The following IL6R variants were observed in gnomAD, a reference collection of about 807,000 sequenced individuals.
The protein encoded by IL6R is interleukin 6 receptor, also known as interleukin-6 receptor subunit alpha.
In IL6R, 38 loss-of-function variants were observed where a neutral mutation model predicts 48.3. The observed-to-expected ratio is 0.79, with a 90% CI of 0.61 to 1.03. IL6R has a LOEUF of 1.03. Among genes scored for constraint, IL6R ranks in the 50% least tolerant of loss-of-function variants. The pLI is 0.00. For missense variants in IL6R, 534 were observed against 618.3 expected, an observed-to-expected ratio of 0.86 and a Z score of 1.45; for synonymous variants, 264 against 256.2, an observed-to-expected ratio of 1.03 and a Z score of -0.29.
intron 1 of IL6R, among the ~76,000 whole-genome samples, chr1:154,409,817 T>C (rs1354285790): frequency 6.6e-6 from 1 of 152,180 alleles, no homozygotes; most frequent in Non-Finnish European, 1.5e-5. Flanking sequence ...TGCTAGCGAC[T>C]AGTGCTAAGG....
chr1:154,457,949 CT>C (rs1690984007), intron 9 of IL6R, among the ~76,000 whole-genome samples: 1 of 91,918 alleles, frequency 1.1e-5, no homozygotes. Flanking sequence ...CACTTTTTTT[CT>C]TTTTCTTTTT....
intron 1 of IL6R, among the ~76,000 whole-genome samples, chr1:154,428,350 A>C (rs1158239323): frequency 6.6e-6 from 1 of 152,180 alleles, no homozygotes; most frequent in Non-Finnish European, 1.5e-5. Context: ...AGCATGGAAC[A>C]GGGAACCAGA....
At chr1:154,441,155 C>T (rs1689911741) in intron 6 of IL6R, among the ~76,000 whole-genome samples, 2 of 152,248 alleles carry the variant, frequency 1.3e-5, no homozygotes, top group Admixed American at 1.3e-4. Context: ...TTGGGCTCCT[C>T]TTCCCAGGCT....
At chr1:154,446,659 G>T (rs1690246801) in intron 6 of IL6R, among the ~76,000 whole-genome samples, 1 of 152,168 alleles carries the variant, frequency 6.6e-6, no homozygotes, top group Non-Finnish European at 1.5e-5. Flanking sequence ...CCGTGCAGGG[G>T]GAGGGAGCCG....
intron 6 of IL6R, among the ~76,000 whole-genome samples, chr1:154,440,030 G>A (rs1570973075): frequency 6.6e-6 from 1 of 152,088 alleles, no homozygotes; most frequent in African/African-American, 2.4e-5. Context: ...AGCCTCCTGA[G>A]TAGCTGAGAT....
intron 1 of IL6R, chr1:154,414,710 G>T: frequency 1.2e-6 from 1 of 838,938 alleles, no homozygotes; most frequent in Non-Finnish European, 2.0e-6. Flanking sequence ...CCCTCCATTA[G>T]GTATTGCTCC....
intron 8 of IL6R, among the ~76,000 whole-genome samples, chr1:154,453,503 A>G (rs1180598719): frequency 6.6e-6 from 1 of 152,152 alleles, no homozygotes; most frequent in Non-Finnish European, 1.5e-5. Flanking sequence ...GCAGAAGGAG[A>G]TGGTTTTGTT....
chr1:154,431,101 A>C (rs1689268932), intron 3 of IL6R, among the ~76,000 whole-genome samples: 1 of 152,120 alleles, frequency 6.6e-6, no homozygotes, highest in African/African-American at 2.4e-5. Context: ...TTCCATGATA[A>C]AGACACGAGA....
intron 8 of IL6R, among the ~76,000 whole-genome samples, chr1:154,452,388 C>T (rs924543434): frequency 6.6e-6 from 1 of 152,198 alleles, no homozygotes; most frequent in African/African-American, 2.4e-5. Context: ...TGCTCCTCCA[C>T]ACATGCTCTA....
chr1:154,455,859 C>G (rs940979559), intron 9 of IL6R, among the ~76,000 whole-genome samples: 1 of 151,830 alleles, frequency 6.6e-6, no homozygotes. Context: ...GAGTTCGAGA[C>G]CAGCCTGGCC....
intron 8 of IL6R, 86 bp from the exon 9 acceptor site, chr1:154,454,402 C>T (rs755630927): frequency 6.7e-5 from 57 of 854,824 alleles, no homozygotes; most frequent in African/African-American, 3.0e-4. Flanking sequence ...TTGACAGCAC[C>T]AGCTAAGTGG....
chr1:154,415,878 C>G (rs550261671), intron 1 of IL6R, among the ~76,000 whole-genome samples: 1 of 152,104 alleles, frequency 6.6e-6, no homozygotes, highest in East Asian at 1.9e-4. Flanking sequence ...ACTCCGGAGG[C>G]TGAGGCAAGA....
chr1:154,453,799 A>C (rs1690723449), intron 8 of IL6R, among the ~76,000 whole-genome samples: 1 of 152,130 alleles, frequency 6.6e-6, no homozygotes, highest in Non-Finnish European at 1.5e-5. Flanking sequence ...AAAGGAAATG[A>C]CATCACCTCA....
rs1429250281 is a variant in IL6R at position 154,466,575 on chromosome 1, T to C, written c.*1195T>C. On this transcript the variant is annotated 3_prime_UTR_variant, in exon 10 of 10. Transcript: ENST00000368485. Reference sequence around the variant, plus strand: ...AAAAAGGAGGAAGAGAAAAAATATTTTCCTGCCAGGCATGGTGGCCCACGC... The same window carrying C: ...AAAAAGGAGGAAGAGAAAAAATATTCTCCTGCCAGGCATGGTGGCCCACGC... The C allele has an allele frequency of 6.6e-6, 1 of 152,504 alleles. No individual in the cohort carries two copies. The highest frequency in any genetic ancestry group is 1.5e-5 in the Non-Finnish European group (1 of 68,210). 9.4% of individuals were successfully genotyped at this position (152,504 alleles called of 1,614,324 possible).
chr1:154,418,670 C>T (rs868344725), intron 1 of IL6R, among the ~76,000 whole-genome samples: 3 of 152,132 alleles, frequency 2.0e-5, no homozygotes, highest in African/African-American at 7.2e-5. Flanking sequence ...AGGGTGCCCT[C>T]TGAAATGTTA....
chr1:154,444,677 T>C (rs1206412282), intron 6 of IL6R, among the ~76,000 whole-genome samples: 1 of 152,030 alleles, frequency 6.6e-6, no homozygotes, highest in South Asian at 2.1e-4. Flanking sequence ...GGGGGAGGAT[T>C]GCCTGAGCCC....
chr1:154,411,028 A>G (rs1687988901), intron 1 of IL6R, among the ~76,000 whole-genome samples: 1 of 152,172 alleles, frequency 6.6e-6, no homozygotes, highest in Admixed American at 6.6e-5. Flanking sequence ...ACAAGATGAG[A>G]GGCCAGTTTT....
At chr1:154,445,606 C>T (rs1052949001) in intron 6 of IL6R, among the ~76,000 whole-genome samples, 4 of 151,916 alleles carry the variant, frequency 2.6e-5, no homozygotes, top group Admixed American at 6.6e-5. Context: ...AAAAATTAGG[C>T]GGGTGTGGTG....
chr1:154,441,270 A>G (rs974288108), intron 6 of IL6R, among the ~76,000 whole-genome samples: 4 of 151,962 alleles, frequency 2.6e-5, no homozygotes, highest in Admixed American at 6.6e-5. Flanking sequence ...CTCTCCTTCT[A>G]TTGGAAGATG....
Sources: gnomAD v4.1 joint callset for allele counts (sites outside exome capture counted in the v4.1 genomes callset) on GRCh38, gnomAD v4.1.1 for gene constraint, MANE v1.5 for transcripts, NCBI Gene and HGNC (gene_info 2026-07-23, HGNC 2026-07-21) for gene names.